Variants in BAHD1 observed in about 807,000 individuals in gnomAD.
The protein encoded by BAHD1 is bromo adjacent homology domain containing 1.
BAHD1 carries 20 observed loss-of-function variants against 63.1 expected under a neutral mutation model. The ratio of observed to expected loss-of-function variants is 0.32; its 90% CI spans 0.22 to 0.46. BAHD1 has a LOEUF of 0.46. Among genes scored for constraint, BAHD1 ranks in the 20% least tolerant of loss-of-function variants. The pLI, the probability that BAHD1 is intolerant of heterozygous loss-of-function variation, is 1.00. For synonymous variants in BAHD1, 408 were observed against 426.8 expected, an observed-to-expected ratio of 0.96 and a Z score of 0.54; for missense variants, 939 against 1,071.8, an observed-to-expected ratio of 0.88 and a Z score of 1.73.
rs144910683 is a variant in BAHD1, at chr15:40,458,618, C to T, written c.154C>T (p.Arg52Cys). ...PESPGHLTGRRKNYPLRKRPL... is the reference protein window; with the variant it reads ...PESPGHLTGRCKNYPLRKRPL... Reference sequence around the variant, plus strand: ...GAGCCCAGGTCACCTCACAGGGCGCCGCAAGAATTACCCACTTCGTAAGCG... The same window carrying T: ...GAGCCCAGGTCACCTCACAGGGCGCTGCAAGAATTACCCACTTCGTAAGCG... Residue 52 changes from arginine (R) to cysteine (C), a missense_variant, in exon 2 of 7, where the codon CGC (arginine) becomes TGC (cysteine). Transcript: ENST00000416165. The surrounding 1 kb of genome is among the most constrained non-coding windows in gnomAD (Gnocchi z 4.7). 6.5e-5 allele frequency: 105 copies of T among 1,613,832 alleles called. 1 individual carries two copies. The highest frequency in any genetic ancestry group is 2.2e-5 in the East Asian group (1 of 44,872).
chr15:40,464,119 C>T, intron 4 of BAHD1, 99 bp downstream of exon 4: 5 of 1,367,664 alleles, frequency 3.7e-6, no homozygotes, highest in Non-Finnish European at 5.0e-6. Context: ...TGGCGTGAGT[C>T]TCCCCGTGTT....
intron 4 of BAHD1, 83 bp from the exon 5 acceptor site, chr15:40,464,388 C>G: frequency 7.9e-7 from 1 of 1,257,876 alleles, no homozygotes. Context: ...GGATGAACCT[C>G]CAGGGCAGCC....
chr15:40,451,941 C>T (rs1893716896), intron 1 of BAHD1, among the ~76,000 whole-genome samples: 1 of 152,122 alleles, frequency 6.6e-6, no homozygotes, highest in Non-Finnish European at 1.5e-5. Context: ...TCTAATTTGT[C>T]AGGTTAAAGT....
At chr15:40,454,792 C>T (rs566710016) in intron 1 of BAHD1, among the ~76,000 whole-genome samples, 174 of 152,240 alleles carry the variant, frequency 1.1e-3, no homozygotes, top group African/African-American at 3.9e-3. Context: ...TTGAAAGTTT[C>T]TGGGTGGATA....
intron 1 of BAHD1, chr15:40,443,192 C>A: frequency 1.1e-6 from 1 of 931,668 alleles, no homozygotes; most frequent in Non-Finnish European, 1.3e-6. Flanking sequence ...GGCTGTAATC[C>A]CACCTGGGAA....
chr15:40,454,110 C>A (rs2141502843), intron 1 of BAHD1, among the ~76,000 whole-genome samples: 1 of 152,358 alleles, frequency 6.6e-6, no homozygotes, highest in African/African-American at 2.4e-5. Context: ...GCAGCAACCA[C>A]AACTGAGGGC....
upstream of BAHD1, among the ~76,000 whole-genome samples, chr15:40,438,229 C>G (rs577863626): frequency 3.3e-5 from 5 of 152,280 alleles, no homozygotes; most frequent in Admixed American, 3.3e-4. Flanking sequence ...AGGTGGAGCC[C>G]TTTCCAGCTG....
At chr15:40,441,460 C>T (rs1189114308) in intron 1 of BAHD1, among the ~76,000 whole-genome samples, 192 bp downstream of exon 1, 1 of 151,178 alleles carries the variant, frequency 6.6e-6, no homozygotes, top group East Asian at 1.9e-4. Flanking sequence ...GTGCGGCCGC[C>T]CGCCCGCTCG....
At chr15:40,450,570 C>T (rs1212551805) in intron 1 of BAHD1, among the ~76,000 whole-genome samples, 2 of 152,312 alleles carry the variant, frequency 1.3e-5, no homozygotes, top group East Asian at 3.9e-4. Context: ...CCTGGTTCTG[C>T]TGAGGCCTGT....
chr15:40,463,240 G>A (rs1247756156), intron 3 of BAHD1, among the ~76,000 whole-genome samples: 1 of 152,112 alleles, frequency 6.6e-6, no homozygotes, highest in Non-Finnish European at 1.5e-5. Flanking sequence ...AGGAGGTTGA[G>A]GCTGCAGTGA....
At chr15:40,457,697 G>A (rs562017355) in intron 1 of BAHD1, among the ~76,000 whole-genome samples, 1 of 152,296 alleles carries the variant, frequency 6.6e-6, no homozygotes, top group East Asian at 1.9e-4. Flanking sequence ...TAATGCCTTG[G>A]TTATACTTTT....
chr15:40,463,429 C>T (rs928554955), intron 3 of BAHD1, among the ~76,000 whole-genome samples: 5 of 152,218 alleles, frequency 3.3e-5, no homozygotes, highest in Non-Finnish European at 7.3e-5. Context: ...TGGTATATAT[C>T]CCATCTTCCT....
intron 6 of BAHD1, among the ~76,000 whole-genome samples, chr15:40,465,694 G>GA (rs59414162): frequency 3.3e-5 from 5 of 152,190 alleles, no homozygotes; most frequent in Admixed American, 1.3e-4. Flanking sequence ...ACTGCTCTTG[G>GA]AAAAAATTTA....
At position 40,465,956 on chromosome 15, in the gene BAHD1, C is replaced by T; in HGVS notation, c.2169C>T (p.Ala723=). Residue 723 remains alanine (A), a synonymous_variant, in exon 7 of 7, where the codon GCC becomes GCT. Transcript: ENST00000416165. ...CTCTCTACAGGTTCTGTGCCATGGCCAAGCGCCGAGGTGAAGGCCTCCCCA... is the reference window on the plus strand; with the variant it reads ...CTCTCTACAGGTTCTGTGCCATGGCTAAGCGCCGAGGTGAAGGCCTCCCCA... ...FAEYCRFCAM[A]KRRGEGLPSR... The T allele has an allele frequency of 1.9e-6, 3 of 1,596,622 alleles. No individual in the cohort carries two copies. Among genetic ancestry groups the T allele is most frequent in the Non-Finnish European group, 2.6e-6 (3 of 1,171,978 alleles).
Position 40,466,104 on chromosome 15 carries a change from G to A in BAHD1, c.2317G>A (p.Gly773Arg), listed in dbSNP as rs761373000. 3 of 1,613,814 alleles carry A rather than the reference G, an allele frequency of 1.9e-6. No individual in the cohort carries two copies. Among genetic ancestry groups the A allele is most frequent in the African/African-American group, 1.3e-5 (1 of 75,040 alleles). ...LCRHVYDFRHGRILKNPQ is the reference protein window; with the variant it reads ...LCRHVYDFRHRRILKNPQ ...CCGCCATGTCTATGACTTCCGCCAC[G>A]GGCGCATCCTTAAGAACCCCCAGTA... The change falls in exon 7 of 7, where the codon GGG (glycine) becomes AGG (arginine). Residue 773 changes from glycine to arginine, a missense_variant. By Grantham distance (125) the Gly-to-Arg change is moderately radical. Around this residue, in one of 5 missense-constraint regions of BAHD1, gnomAD observed 68 missense variants for 86.2 expected, o/e 0.79. Transcript: ENST00000416165.
At chr15:40,461,428 A>G (rs1325218400) in intron 2 of BAHD1, among the ~76,000 whole-genome samples, 1 of 152,156 alleles carries the variant, frequency 6.6e-6, no homozygotes, top group Non-Finnish European at 1.5e-5. Context: ...GCCTGAGCTC[A>G]GTAGGTTGAG....
At chr15:40,448,836 CTTTTT>C (rs71132183) in intron 1 of BAHD1, among the ~76,000 whole-genome samples, 1 of 132,200 alleles carries the variant, frequency 7.6e-6, no homozygotes. Context: ...CCTTTTAACT[CTTTTT>C]TTTTTTTTTT....
chr15:40,456,347 G>C (rs755327265), intron 1 of BAHD1, among the ~76,000 whole-genome samples: 2 of 152,190 alleles, frequency 1.3e-5, no homozygotes, highest in Admixed American at 6.5e-5. Flanking sequence ...AGAGACTTAC[G>C]GAGCCTAGCA....
At chr15:40,462,648 A>AG (rs1479800623) in intron 3 of BAHD1, among the ~76,000 whole-genome samples, 1 of 152,122 alleles carries the variant, frequency 6.6e-6, no homozygotes, top group African/African-American at 2.4e-5. Context: ...AAGTCTATAT[A>AG]GGGGGCGTTG....
Sources: gnomAD v4.1 joint callset for allele counts (sites outside exome capture counted in the v4.1 genomes callset) on GRCh38, gnomAD v4.1.1 for gene constraint, gnomAD v4.1.1 regional missense constraint, Gnocchi (gnomAD v3.1) non-coding constraint, MANE v1.5 for transcripts, NCBI Gene and HGNC (gene_info 2026-07-23, HGNC 2026-07-21) for gene names.